The following C10orf67 variants were observed in gnomAD, a reference collection of about 807,000 sequenced individuals.
C10orf67 encodes the protein uncharacterized protein C10orf67, mitochondrial.
Under a neutral mutation model 35.6 loss-of-function variants are expected in C10orf67, and 60 were observed. The observed-to-expected ratio is 1.68, with a 90% CI of 1.37 to 2.09. C10orf67 has a LOEUF of 2.09. C10orf67 is among the 30% of genes most tolerant of loss of function. C10orf67 has a pLI of 0.00. For synonymous variants in C10orf67, 167 were observed against 115.8 expected (o/e 1.44, Z -2.84); for missense variants, 474 against 330.2 (o/e 1.44, Z -3.38).
At chr10:23,305,988 C>CTCTCTCACATACACACACTG (rs1564500749) in intron 4 of C10orf67, among the ~76,000 whole-genome samples, 1 of 151,888 alleles carries the variant, frequency 6.6e-6, no homozygotes, top group Non-Finnish European at 1.5e-5. Flanking sequence ...CACACACACT[C>CTCTCTCACATACACACACTG]TCTCTCTCAC....
chr10:23,252,104 G>T (rs1486260996), intron 10 of C10orf67, among the ~76,000 whole-genome samples: 2 of 152,042 alleles, frequency 1.3e-5, no homozygotes, highest in African/African-American at 4.8e-5. Context: ...CTATTAGAAA[G>T]GTGCTAGATC....
intron 1 of C10orf67, chr10:23,344,340 G>A (rs1846050972): frequency 1.7e-6 from 1 of 583,110 alleles, no homozygotes; most frequent in South Asian, 2.0e-5. Flanking sequence ...ACGCGCGGGA[G>A]GAGGGGAGTG....
At chr10:23,220,208 T>G (rs906171429) in intron 15 of C10orf67, among the ~76,000 whole-genome samples, 4 of 152,100 alleles carry the variant, frequency 2.6e-5, no homozygotes, top group Admixed American at 6.5e-5. Flanking sequence ...GCTGTTTTAA[T>G]TTATTAGCCT....
rs1381625814 is a variant in C10orf67, at chr10:23,331,291, G to C, written c.327+1771C>G. ...GAAGAGGGAAGGGAAGGGAAGGGAA[G>C]AGGGAAGGGAAGGGAAGAGGGAAGA... On this transcript the variant is annotated intron_variant, in intron 2 of 15. Transcript: ENST00000636213. 3.0e-4 allele frequency among the ~76,000 whole-genome samples: 3 copies of C among 10,138 alleles called. 1 individual carries two copies. The highest frequency in any genetic ancestry group is 2.3e-3 in the Admixed American group (2 of 852). The allele number at this position is 10,138 out of a possible 152,430, so 6.7% of individuals were successfully genotyped here.
At chr10:23,307,903 C>T (rs1279931497) in intron 4 of C10orf67, among the ~76,000 whole-genome samples, 2 of 152,036 alleles carry the variant, frequency 1.3e-5, no homozygotes, top group South Asian at 2.1e-4. Flanking sequence ...ACAGAGCCAC[C>T]GCTCCTGGCC....
intron 1 of C10orf67, among the ~76,000 whole-genome samples, chr10:23,334,231 T>C (rs531055711): frequency 6.6e-6 from 1 of 152,334 alleles, no homozygotes; most frequent in African/African-American, 2.4e-5. Flanking sequence ...TTTTCAAGCA[T>C]TATTCCTGAA....
intron 8 of C10orf67, among the ~76,000 whole-genome samples, chr10:23,275,812 G>T (rs1043426550): frequency 1.3e-5 from 2 of 152,120 alleles, no homozygotes; most frequent in African/African-American, 4.8e-5. Context: ...ACTGTATCTA[G>T]AATTTTTTGA....
chr10:23,275,589 A>G (rs1378485829), intron 8 of C10orf67, among the ~76,000 whole-genome samples: 2 of 116,156 alleles, frequency 1.7e-5, no homozygotes, highest in Non-Finnish European at 3.2e-5. Flanking sequence ...ACACACACAT[A>G]CACACACACA....
At position 23,280,932 on chromosome 10, in the gene C10orf67, T is replaced by G. The variant is rs538621497; in HGVS notation, c.975+1081A>C. On this transcript the variant is annotated intron_variant, in intron 8 of 15. Coordinates refer to ENST00000636213, the MANE Select transcript of C10orf67 (RefSeq NM_001371909.1). ...ACAATGTGCACATATATTTAGTTGT[T>G]TGTTTTCCAAAGCAAAGCCTGAACT... Among the ~76,000 whole-genome samples the G allele has an allele frequency of 1.1e-4, 16 of 152,276 alleles. No homozygotes were observed. In the South Asian group the frequency reaches 2.7e-3, roughly 26 times the overall value.
intron 13 of C10orf67, among the ~76,000 whole-genome samples, chr10:23,229,424 G>A (rs569985545): frequency 1.0e-4 from 12 of 119,192 alleles, no homozygotes; most frequent in African/African-American, 3.4e-4. Flanking sequence ...CATACACCGA[G>A]GCCTGTCATG....
At chr10:23,267,276 T>A (rs1381917679) in intron 8 of C10orf67, 22 bp from the exon 9 acceptor site, 1 of 697,424 alleles carries the variant, frequency 1.4e-6, no homozygotes, top group East Asian at 2.7e-5. Context: ...AAGACCCATA[T>A]CATTGGTTAT....
intron 8 of C10orf67, among the ~76,000 whole-genome samples, chr10:23,278,978 G>A (rs1029936337): frequency 2.6e-5 from 4 of 152,156 alleles, no homozygotes; most frequent in African/African-American, 7.2e-5. Flanking sequence ...TGGGTCGGTC[G>A]CAGCGGCTCA....
chr10:23,232,872 A>T lies in C10orf67; in HGVS notation c.1434+6857T>A, dbSNP rs143914887. ...CCACAACAGCAGTCATTAAAAGTGT[A>T]CATAATGGGCATGGTGGCTCATACC... On this transcript the variant is annotated intron_variant, in intron 13 of 15. Transcript: ENST00000636213. 1.5e-3 allele frequency among the ~76,000 whole-genome samples: 223 copies of T among 152,342 alleles called. 1 individual carries two copies. The highest frequency in any genetic ancestry group is 4.9e-3 in the African/African-American group (203 of 41,582).
chr10:23,224,648 G>A (rs958213845), intron 13 of C10orf67, among the ~76,000 whole-genome samples: 4 of 152,178 alleles, frequency 2.6e-5, no homozygotes, highest in African/African-American at 9.7e-5. Flanking sequence ...GAGACGAATG[G>A]CTAACTAGAA....
intron 8 of C10orf67, among the ~76,000 whole-genome samples, chr10:23,273,881 T>C (rs1432812501): frequency 6.6e-6 from 1 of 152,354 alleles, no homozygotes; most frequent in East Asian, 1.9e-4. Flanking sequence ...TTTTACTCTG[T>C]ATTGTTTCTC....
chr10:23,234,993 CAA>C (rs1415678687), intron 13 of C10orf67, among the ~76,000 whole-genome samples: 2 of 75,920 alleles, frequency 2.6e-5, no homozygotes, highest in African/African-American at 5.4e-5. Flanking sequence ...GCCTGAGGAA[CAA>C]GAGCGAAATT....
At chr10:23,313,565 A>C (rs779881148) in intron 4 of C10orf67, among the ~76,000 whole-genome samples, 1 of 152,246 alleles carries the variant, frequency 6.6e-6, no homozygotes, top group Non-Finnish European at 1.5e-5. Context: ...CTGCAGGAAG[A>C]GTCTAGTGGA....
intron 1 of C10orf67, among the ~76,000 whole-genome samples, chr10:23,341,301 T>A (rs951232010): frequency 3.9e-5 from 6 of 152,204 alleles, no homozygotes; most frequent in African/African-American, 1.4e-4. Flanking sequence ...TGCTGACATA[T>A]AATGACCAGA....
At chr10:23,331,192 A>AGGGAAGGGAACCGGGACG (rs1845444885) in intron 2 of C10orf67, among the ~76,000 whole-genome samples, 1 of 91,198 alleles carries the variant, frequency 1.1e-5, no homozygotes, top group Non-Finnish European at 2.2e-5. Context: ...AGGGAAGGGA[A>AGGGAAGGGAACCGGGACG]GGGAAGGGAA....
Sources: gnomAD v4.1 joint callset for allele counts (sites outside exome capture counted in the v4.1 genomes callset) on GRCh38, gnomAD v4.1.1 for gene constraint, MANE v1.5 for transcripts, NCBI Gene and HGNC (gene_info 2026-07-23, HGNC 2026-07-21) for gene names.